FRRS1: variants seen among roughly 807,000 people sequenced by gnomAD.
FRRS1 encodes the protein ferric reductase 1.
FRRS1 carries 51 observed loss-of-function variants against 70.7 expected under a neutral mutation model. The ratio of observed to expected loss-of-function variants is 0.72; its 90% CI spans 0.58 to 0.91. The LOEUF is 0.91. Among genes scored for constraint, FRRS1 ranks in the 40% least tolerant of loss-of-function variants. FRRS1 has a pLI of 0.00. For missense variants in FRRS1, 672 were observed against 726.0 expected (o/e 0.93, Z 0.86); for synonymous variants, 225 against 238.7 (o/e 0.94, Z 0.53).
At chr1:99,728,807 C>T (rs1360318942) in intron 8 of FRRS1, among the ~76,000 whole-genome samples, 167 bp from the exon 9 acceptor site, 5 of 152,190 alleles carry the variant, frequency 3.3e-5, no homozygotes, top group African/African-American at 4.8e-5. Context: ...GAACAAGAAA[C>T]ATTTTCTCCC....
At chr1:99,755,068 T>G (rs760537710) in intron 1 of FRRS1, among the ~76,000 whole-genome samples, 10 of 151,852 alleles carry the variant, frequency 6.6e-5, no homozygotes, top group Non-Finnish European at 8.8e-5. Flanking sequence ...GATTTCTCCA[T>G]GGAGAAAATA....
chr1:99,765,372 C>G (rs1188683369), intron 1 of FRRS1: 1 of 152,076 alleles, frequency 6.6e-6, no homozygotes, highest in Non-Finnish European at 1.5e-5. Context: ...GAGGCCGAGG[C>G]AGGCAGATGA....
At chr1:99,749,280 C>T (rs184088161) in intron 1 of FRRS1, among the ~76,000 whole-genome samples, 38 of 152,300 alleles carry the variant, frequency 2.5e-4, no homozygotes, top group Admixed American at 2.0e-3. Flanking sequence ...CCCACCTTGG[C>T]CTCCCAAAGT....
In FRRS1 at chr1:99,719,579, T is replaced by TTG; in HGVS notation, c.1073_1074dup (p.Lys359GlnfsTer4). 2 of 1,611,450 alleles carry TTG rather than the reference T, an allele frequency of 1.2e-6. No individual in the cohort carries two copies. The highest frequency in any genetic ancestry group is 1.7e-6 in the Non-Finnish European group (2 of 1,177,668). On this transcript the variant is annotated frameshift_variant, in exon 10 of 17. Coordinates refer to ENST00000646001, the MANE Select transcript of FRRS1 (RefSeq NM_001361041.2). LOFTEE classifies it high-confidence loss of function. Reference sequence around the variant, plus strand: ...ACAGAATGGGATCCTCCTATGTTCTTTGGAGAGTCTGTCACATCATATTTT... The same window carrying TTG: ...ACAGAATGGGATCCTCCTATGTTCTTTGTGGAGAGTCTGTCACATCATATTTT...
intron 1 of FRRS1, among the ~76,000 whole-genome samples, chr1:99,764,485 TTC>T (rs1341963023): frequency 3.7e-4 from 57 of 152,334 alleles, no homozygotes; most frequent in African/African-American, 1.3e-3. Context: ...GTTAGATATT[TTC>T]TTTTTTCTAT....
intron 9 of FRRS1, among the ~76,000 whole-genome samples, chr1:99,727,001 C>T (rs1460282369): frequency 6.6e-6 from 1 of 152,202 alleles, no homozygotes; most frequent in Non-Finnish European, 1.5e-5. Context: ...AGGCGTGAGC[C>T]ACTGCACCCA....
intron 11 of FRRS1, among the ~76,000 whole-genome samples, chr1:99,716,448 G>A (rs1654535861): frequency 6.6e-6 from 1 of 152,238 alleles, no homozygotes; most frequent in South Asian, 2.1e-4. Context: ...GCAGATGAGA[G>A]AGAGAGAGCA....
Position 99,712,640 on chromosome 1 carries a change from T to C in FRRS1, c.1324-125A>G, listed in dbSNP as rs1654323957. 1.3e-5 allele frequency: 7 copies of C among 555,424 alleles called. No individual in the cohort carries two copies. In the East Asian group the frequency reaches 1.8e-4, roughly 14 times the overall value. 34.4% of individuals were successfully genotyped at this position (555,424 alleles called of 1,614,324 possible). On this transcript the variant is annotated intron_variant, in intron 12 of 16. Transcript: ENST00000646001. ...CATGGCTTTAAAGATTCAATAATGA[T>C]GATAATAATAATATGCAACATTCAC...
intron 7 of FRRS1, among the ~76,000 whole-genome samples, chr1:99,736,729 C>T (rs1467830200): frequency 6.7e-6 from 1 of 148,938 alleles, no homozygotes; most frequent in Non-Finnish European, 1.5e-5. Context: ...TGTAACAAAC[C>T]TGCACATTGT....
intron 10 of FRRS1, among the ~76,000 whole-genome samples, chr1:99,718,130 A>G (rs1273495673): frequency 1.3e-5 from 2 of 152,248 alleles, no homozygotes; most frequent in Admixed American, 6.5e-5. Context: ...ACTATAATGG[A>G]TAACTCTGGA....
rs1158511151 is a variant in FRRS1 at position 99,704,983 on chromosome 1, A to G, written c.*4045T>C. 6.6e-6 allele frequency among the ~76,000 whole-genome samples: 1 copy of G among 152,210 alleles called. No individual in the cohort carries two copies. The highest frequency in any genetic ancestry group is 1.5e-5 in the Non-Finnish European group (1 of 68,020). ...GTGATCCGATTCTCCTGGTACACCA[A>G]GGCAAGAACCCAGGGATACAGAAAG... On this transcript the variant is annotated 3_prime_UTR_variant, in exon 17 of 17. Coordinates refer to ENST00000646001, the MANE Select transcript of FRRS1 (RefSeq NM_001361041.2).
In FRRS1 at chr1:99,728,654, C is replaced by A; in HGVS notation, c.859-14G>T. On this transcript the variant is annotated splice_polypyrimidine_tract_variant and intron_variant, in intron 8 of 16. Coordinates refer to ENST00000646001, the MANE Select transcript of FRRS1 (RefSeq NM_001361041.2). ...CTCAAGGGTATCCTACAAACACACACAATGGGTCTTCTCAGCACTTTCCAA... is the reference window on the plus strand; with the variant it reads ...CTCAAGGGTATCCTACAAACACACAAAATGGGTCTTCTCAGCACTTTCCAA... The A allele has an allele frequency of 1.2e-6, 2 of 1,610,864 alleles. No individual in the cohort carries two copies. Among genetic ancestry groups the A allele is most frequent in the Non-Finnish European group, 1.7e-6 (2 of 1,177,812 alleles).
rs756998212 is a variant in FRRS1, at chr1:99,728,532, TTG to T, written c.965_966del (p.Thr322LysfsTer12). ...PGVKNRFDLN[T>X]SYYIFLADGA... Reference sequence around the variant, plus strand: ...CCATCTGCTAGAAATATGTAATAGCTTGTGTTTAGATCAAATCTATTCTTAAC... The same window carrying T: ...CCATCTGCTAGAAATATGTAATAGCTTGTTTAGATCAAATCTATTCTTAAC... On this transcript the variant is annotated frameshift_variant, in exon 9 of 17. Transcript: ENST00000646001. LOFTEE classifies it high-confidence loss of function. 4.3e-6 allele frequency: 7 copies of T among 1,612,880 alleles called. No homozygotes were observed. The highest frequency in any genetic ancestry group is 5.9e-6 in the Non-Finnish European group (7 of 1,178,872).
chr1:99,736,659 A>G (rs1655674577), intron 7 of FRRS1, among the ~76,000 whole-genome samples: 1 of 144,046 alleles, frequency 6.9e-6, no homozygotes, highest in Non-Finnish European at 1.5e-5. Context: ...TAGGAGATAT[A>G]CCTAATGTTA....
chr1:99,748,971 G>A lies in FRRS1; in HGVS notation c.-75C>T. The A allele has an allele frequency of 2.2e-6, 1 of 461,816 alleles. No individual in the cohort carries two copies. Among genetic ancestry groups the A allele is most frequent in the Non-Finnish European group, 3.8e-6 (1 of 262,434 alleles). 28.6% of individuals were successfully genotyped at this position (461,816 alleles called of 1,614,324 possible). ...GCTCTACAAATTACTGTGAGACTTT[G>A]GGCAAATCATTTAATCCTCCACTTC... On this transcript the variant is annotated 5_prime_UTR_variant, in exon 2 of 17. Transcript: ENST00000646001.
At chr1:99,742,296 T>A (rs1656006132) in intron 4 of FRRS1, 23 bp from the exon 5 acceptor site, 1 of 1,425,068 alleles carries the variant, frequency 7.0e-7, no homozygotes, top group African/African-American at 1.4e-5. Flanking sequence ...GGAAAAGAGC[T>A]ACCATTCAGT....
intron 6 of FRRS1, among the ~76,000 whole-genome samples, chr1:99,738,783 G>T (rs374126982): frequency 6.6e-6 from 1 of 151,966 alleles, no homozygotes; most frequent in Non-Finnish European, 1.5e-5. Flanking sequence ...TTCAAATTTC[G>T]TACTAAAATG....
chr1:99,763,157 A>AC (rs945989697), intron 1 of FRRS1, among the ~76,000 whole-genome samples: 3 of 151,954 alleles, frequency 2.0e-5, no homozygotes, highest in Admixed American at 6.6e-5. Context: ...AATTTCAAGA[A>AC]TTTTTTTTCC....
chr1:99,709,328 C>A, intron 15 of FRRS1, 69 bp from the exon 16 acceptor site: 6 of 1,137,306 alleles, frequency 5.3e-6, no homozygotes, highest in Non-Finnish European at 7.9e-6. Context: ...TTTAAAAAAA[C>A]CTGATTTGTA....
Sources: allele counts gnomAD v4.1 joint callset (sites outside exome capture counted in the v4.1 genomes callset), GRCh38; gene constraint gnomAD v4.1.1; transcripts MANE v1.5; gene names NCBI Gene and HGNC (gene_info 2026-07-23, HGNC 2026-07-21).